Variants in SYNE2 observed in about 807,000 individuals in gnomAD.
SYNE2 encodes the protein nesprin-2.
A neutral mutation model predicts 856.3 loss-of-function variants in SYNE2; 431 were observed. The observed-to-expected ratio is 0.50, with a 90% CI of 0.47 to 0.55. The LOEUF (loss-of-function observed/expected upper bound fraction) is 0.55. Among genes scored for constraint, SYNE2 ranks in the 20% least tolerant of loss-of-function variants. The pLI, the probability that SYNE2 is intolerant of heterozygous loss-of-function variation, is 0.00. For missense variants in SYNE2, 8,129 were observed against 8,023.2 expected, an observed-to-expected ratio of 1.01 and a Z score of -0.50; for synonymous variants, 2,923 against 2,872.3, an observed-to-expected ratio of 1.02 and a Z score of -0.56.
In SYNE2 at chr14:63,929,946, A is replaced by C. The variant is rs149217424; in HGVS notation, c.80-10668A>C. ...AGTTTTAGAGGTAGGCAGGAGCCAG[A>C]TTACATAAAGCTATGGGCCATGATT... On this transcript the variant is annotated intron_variant, in intron 2 of 115. Transcript: ENST00000555002. Among the ~76,000 whole-genome samples the C allele has an allele frequency of 1.1e-3, 168 of 152,274 alleles. 2 individuals are homozygous for C. In the East Asian group the frequency reaches 0.015, roughly 13 times the overall value.
intron 45 of SYNE2, 96 bp from the exon 46 acceptor site, chr14:64,047,904 T>C (rs1180012703): frequency 6.6e-6 from 9 of 1,355,820 alleles, no homozygotes; most frequent in Non-Finnish European, 9.3e-6. Flanking sequence ...ATAATCCAAG[T>C]AAACAGAAGA....
chr14:64,107,071 T>G (rs963869140), intron 64 of SYNE2, among the ~76,000 whole-genome samples: 4 of 152,178 alleles, frequency 2.6e-5, no homozygotes, highest in Non-Finnish European at 4.4e-5. Flanking sequence ...CTCAGGCTGG[T>G]CTCAAACTCC....
chr14:64,173,253 T>C (rs1236950150), intron 94 of SYNE2, among the ~76,000 whole-genome samples: 3 of 152,202 alleles, frequency 2.0e-5, no homozygotes, highest in Non-Finnish European at 2.9e-5. Flanking sequence ...GAAGGACGAC[T>C]CTGGGTTGAA....
intron 81 of SYNE2, among the ~76,000 whole-genome samples, 157 bp downstream of exon 81, chr14:64,141,680 G>T (rs2098140314): frequency 6.6e-6 from 1 of 152,088 alleles, no homozygotes; most frequent in Non-Finnish European, 1.5e-5. Flanking sequence ...CTCCTCCAAT[G>T]GGATTTTTCT....
intron 1 of SYNE2, among the ~76,000 whole-genome samples, chr14:63,876,581 A>C (rs1178257167): frequency 1.3e-5 from 2 of 150,916 alleles, no homozygotes; most frequent in Admixed American, 6.6e-5. Context: ...TCCGCCTCCC[A>C]GGTTCATGCC....
At chr14:64,138,977 G>A (rs887999727) in intron 79 of SYNE2, among the ~76,000 whole-genome samples, 6 of 134,592 alleles carry the variant, frequency 4.5e-5, no homozygotes, top group African/African-American at 1.5e-4. Context: ...GTGTGTGTGT[G>A]TGTATGTAAT....
Position 64,177,482 on chromosome 14 carries a change from A to AG in SYNE2, c.17556+1dup. ...CTCCATAACGAAAAAGAGCTGATTA[A>AG]GGTATTGAAATCCAAACAAGTGGCC... On this transcript the variant is annotated frameshift_variant and splice_region_variant, in exon 96 of 116. Coordinates refer to ENST00000555002, the MANE Select transcript of SYNE2 (RefSeq NM_182914.3). LOFTEE classifies it high-confidence loss of function. The AG allele has an allele frequency of 4.3e-6, 7 of 1,614,186 alleles. No individual in the cohort carries two copies. Among genetic ancestry groups the AG allele is most frequent in the Non-Finnish European group, 5.9e-6 (7 of 1,180,024 alleles).
intron 98 of SYNE2, chr14:64,189,089 T>TA: frequency 1.5e-6 from 1 of 659,660 alleles, no homozygotes; most frequent in Non-Finnish European, 2.7e-6. Context: ...ATCCTAGCAC[T>TA]TTGGGAGGCC....
At chr14:63,892,224 G>A (rs960952059) in intron 1 of SYNE2, among the ~76,000 whole-genome samples, 11 of 54,528 alleles carry the variant, frequency 2.0e-4, no homozygotes, top group Admixed American at 8.9e-4. Flanking sequence ...CAAACATACT[G>A]TTATAATTAC....
chr14:64,016,322 A>G (rs1420781738), intron 32 of SYNE2, 151 bp from the exon 33 acceptor site: 2 of 558,872 alleles, frequency 3.6e-6, no homozygotes, highest in Non-Finnish European at 6.2e-6. Context: ...AAGTGGGACG[A>G]TAAAAACGTA....
intron 2 of SYNE2, among the ~76,000 whole-genome samples, chr14:63,918,148 G>T (rs1219770302): frequency 1.3e-5 from 2 of 152,136 alleles, no homozygotes; most frequent in Non-Finnish European, 2.9e-5. Context: ...TTCAGAGCTT[G>T]AAGTAGTACA....
intron 48 of SYNE2, among the ~76,000 whole-genome samples, chr14:64,055,502 G>A (rs1333882247): frequency 2.0e-5 from 3 of 151,264 alleles, no homozygotes; most frequent in Non-Finnish European, 4.4e-5. Context: ...CTGAGTAGCT[G>A]GGACTACAGG....
intron 1 of SYNE2, among the ~76,000 whole-genome samples, chr14:63,867,735 G>T (rs1458498373): frequency 6.6e-6 from 1 of 150,762 alleles, no homozygotes; most frequent in Non-Finnish European, 1.5e-5. Flanking sequence ...ATGAAAGAAT[G>T]AAAGAAAGAG....
upstream of SYNE2, among the ~76,000 whole-genome samples, chr14:63,850,276 C>CG (rs1486311306): frequency 7.7e-6 from 1 of 130,464 alleles, no homozygotes; most frequent in African/African-American, 2.9e-5. Flanking sequence ...TTAGTAGAGA[C>CG]GGGGTTTCAC....
intron 1 of SYNE2, among the ~76,000 whole-genome samples, chr14:63,818,033 A>AAC (rs1361050576): frequency 2.0e-5 from 3 of 148,714 alleles, no homozygotes; most frequent in Non-Finnish European, 4.5e-5. Flanking sequence ...TCAAAAAAAA[A>AAC]AAAAAAAAAA....
In SYNE2 at chr14:63,982,650, C is replaced by T; in HGVS notation, c.1857C>T (p.Ala619=). The T allele has an allele frequency of 6.2e-7, 1 of 1,613,816 alleles. No homozygotes were observed. The highest frequency in any genetic ancestry group is 8.5e-7 in the Non-Finnish European group (1 of 1,179,966). Residue 619 remains alanine (A), a synonymous_variant, in exon 17 of 116, where the codon GCC becomes GCT. Transcript: ENST00000555002. ...EIKEVPFETL[A]QWNLEHATLN... is the part of the protein sequence containing the mutation. ...TGTAGGTACCCTTTGAGACACTAGC[C>T]CAGTGGAATCTAGAACACGCTACTT...
chr14:64,186,281 G>T (rs543629021), intron 96 of SYNE2, 143 bp from the exon 97 acceptor site: 3 of 1,037,270 alleles, frequency 2.9e-6, no homozygotes, highest in Non-Finnish European at 4.5e-6. Flanking sequence ...CGCTCGTCTT[G>T]GGCTGTTTCC....
At chr14:64,098,961 CTCTTA>C in intron 63 of SYNE2, 140 bp downstream of exon 63, 1 of 830,760 alleles carries the variant, frequency 1.2e-6, no homozygotes, top group South Asian at 1.5e-5. Context: ...TGAAGTAGTT[CTCTTA>C]TGTTATTAAT....
Position 64,220,692 on chromosome 14 carries a change from G to T in SYNE2, c.20061+55G>T, listed in dbSNP as rs565160117. On this transcript the variant is annotated intron_variant, in intron 111 of 115. Transcript: ENST00000555002. ...AGCCGGTACCCAGGCCCACGTGGTA[G>T]GAGCAGCAGATATTTTTATCATCAT... is the stretch of plus-strand genomic sequence containing the variant. The T allele has an allele frequency of 1.1e-5, 17 of 1,588,886 alleles. No individual in the cohort carries two copies. The East Asian group carries it at 2.9e-4, about 27-fold the overall frequency.
Sources: gnomAD v4.1 joint callset for allele counts (sites outside exome capture counted in the v4.1 genomes callset) on GRCh38, gnomAD v4.1.1 for gene constraint, MANE v1.5 for transcripts, NCBI Gene and HGNC (gene_info 2026-07-23, HGNC 2026-07-21) for gene names.